TRIM44: variants seen among roughly 807,000 people sequenced by gnomAD.
The protein encoded by TRIM44 is tripartite motif containing 44.
A neutral mutation model predicts 37.4 loss-of-function variants in TRIM44; 13 were observed. The observed-to-expected ratio is 0.35, with a 90% CI of 0.23 to 0.55. The LOEUF (loss-of-function observed/expected upper bound fraction) is 0.55, where lower values mean the gene tolerates loss of function less well. Among genes scored for constraint, TRIM44 ranks in the 20% least tolerant of loss-of-function variants. The probability of loss-of-function intolerance (pLI) is 0.89; values close to 1 mark genes in which losing one functional copy is unlikely to be tolerated. For missense variants in TRIM44, 426 were observed against 437.2 expected (o/e 0.97, Z 0.23); for synonymous variants, 175 against 157.2 (o/e 1.11, Z -0.85).
chr11:35,700,270 G>A lies in TRIM44; in HGVS notation c.747+14934G>A, dbSNP rs191711418. ...ATTTACTGATAAACCAGCAAATACT[G>A]CTTTAAATTTAGTCAAGGTGTTCAC... On this transcript the variant is annotated intron_variant, in intron 2 of 4. Coordinates refer to ENST00000299413, the MANE Select transcript of TRIM44 (RefSeq NM_017583.6). Among the ~76,000 whole-genome samples the A allele has an allele frequency of 1.9e-3, 282 of 152,212 alleles. 2 individuals carry two copies. Among genetic ancestry groups the A allele is most frequent in the African/African-American group, 6.5e-3 (271 of 41,534 alleles).
chr11:35,800,996 G>C (rs1004370612), intron 4 of TRIM44, among the ~76,000 whole-genome samples: 1 of 152,144 alleles, frequency 6.6e-6, no homozygotes, highest in East Asian at 1.9e-4. Flanking sequence ...ACTTTATTTT[G>C]TAAAGTTCAG....
chr11:35,702,517 C>T (rs1044657699), intron 2 of TRIM44, among the ~76,000 whole-genome samples: 12 of 152,266 alleles, frequency 7.9e-5, no homozygotes, highest in East Asian at 5.8e-4. Flanking sequence ...CTTTATTGAG[C>T]GCCAGCTGTG....
chr11:35,757,987 T>G (rs771590914), intron 4 of TRIM44, among the ~76,000 whole-genome samples: 23 of 152,132 alleles, frequency 1.5e-4, no homozygotes, highest in East Asian at 1.9e-4. Flanking sequence ...TGATTTGGGG[T>G]GGAGAGTTCT....
chr11:35,760,035 T>C (rs960545614), intron 4 of TRIM44, among the ~76,000 whole-genome samples: 7 of 152,236 alleles, frequency 4.6e-5, no homozygotes, highest in African/African-American at 1.7e-4. Flanking sequence ...AACAGGGACA[T>C]ATAAGTCTGC....
At chr11:35,742,352 A>G (rs1017452841) in intron 4 of TRIM44, among the ~76,000 whole-genome samples, 18 of 145,776 alleles carry the variant, frequency 1.2e-4, no homozygotes, top group African/African-American at 4.3e-4. Context: ...ATTTACATAT[A>G]TTATCTATAT....
chr11:35,809,538 G>GT lies in TRIM44; in HGVS notation c.*3155dup, dbSNP rs773105483. Reference sequence around the variant, plus strand: ...TGCTGACTTGAGCCCACCCCCAGGAGTTAGGAGAACATTTCCTTTTTCATG... The same window carrying GT: ...TGCTGACTTGAGCCCACCCCCAGGAGTTTAGGAGAACATTTCCTTTTTCATG... On this transcript the variant is annotated 3_prime_UTR_variant, in exon 5 of 5. Coordinates refer to ENST00000299413, the MANE Select transcript of TRIM44 (RefSeq NM_017583.6). 1 of 152,130 alleles carries GT rather than the reference G, an allele frequency of 6.6e-6. No individual in the cohort carries two copies. Among genetic ancestry groups the GT allele is most frequent in the Non-Finnish European group, 1.5e-5 (1 of 68,024 alleles). The allele number at this position is 152,130 out of a possible 1,614,324, so 9.4% of individuals were successfully genotyped here.
chr11:35,767,601 T>A (rs11033269), intron 4 of TRIM44, among the ~76,000 whole-genome samples: 4,400 of 152,152 alleles, frequency 0.029, 186 homozygotes, highest in East Asian at 0.14. Flanking sequence ...GGAAAAAAAG[T>A]TGTATATATA....
At chr11:35,685,214 G>A (rs1851560363) in intron 1 of TRIM44, 45 bp from the exon 2 acceptor site, 2 of 1,512,652 alleles carry the variant, frequency 1.3e-6, no homozygotes, top group Non-Finnish European at 1.8e-6. Flanking sequence ...GTTTGAGAGA[G>A]CAACAAAATG....
chr11:35,703,611 C>T (rs1851829875), intron 2 of TRIM44, among the ~76,000 whole-genome samples: 3 of 152,248 alleles, frequency 2.0e-5, no homozygotes, highest in South Asian at 2.1e-4. Context: ...CACAAAAATC[C>T]GCTGTTCTGC....
intron 1 of TRIM44, among the ~76,000 whole-genome samples, chr11:35,683,697 G>A (rs1260495518): frequency 6.6e-6 from 1 of 151,866 alleles, no homozygotes; most frequent in East Asian, 1.9e-4. Context: ...GAGTTGTTGA[G>A]ATAAGAAAAT....
chr11:35,689,018 G>A (rs925679066), intron 2 of TRIM44, among the ~76,000 whole-genome samples: 6 of 152,184 alleles, frequency 3.9e-5, no homozygotes, highest in African/African-American at 1.4e-4. Flanking sequence ...TATGAAACAA[G>A]TTGAGCAGAG....
chr11:35,727,753 G>T lies in TRIM44; in HGVS notation c.987+1590G>T, dbSNP rs186860771. On this transcript the variant is annotated intron_variant, in intron 3 of 4. Transcript: ENST00000299413. ...CAGTAGAAAATAGAGCCAGGGTTTA[G>T]ATTTAAGTCTGTGCTATTTCAGTGC... is the stretch of plus-strand genomic sequence containing the variant. 3.5e-3 allele frequency among the ~76,000 whole-genome samples: 536 copies of T among 152,280 alleles called. 1 individual carries two copies. The highest frequency in any genetic ancestry group is 0.01 in the Middle Eastern group (3 of 294).
intron 1 of TRIM44, among the ~76,000 whole-genome samples, chr11:35,681,952 CTTTTTTTTTTTTTTT>C (rs35760830): frequency 9.9e-6 from 1 of 101,366 alleles, no homozygotes; most frequent in African/African-American, 3.9e-5. Flanking sequence ...ATGTCCCATA[CTTTTTTTTTTTTTTT>C]TTTTTTTTTG....
At chr11:35,775,923 A>G (rs928964259) in intron 4 of TRIM44, among the ~76,000 whole-genome samples, 1 of 152,116 alleles carries the variant, frequency 6.6e-6, no homozygotes, top group African/African-American at 2.4e-5. Flanking sequence ...ATATTGGTCT[A>G]AAATTCTCTT....
chr11:35,664,673 G>C (rs1008547882), intron 1 of TRIM44, among the ~76,000 whole-genome samples: 2 of 152,144 alleles, frequency 1.3e-5, no homozygotes, highest in Non-Finnish European at 2.9e-5. Flanking sequence ...TCTGTATTAG[G>C]TTTTCCCTTT....
At chr11:35,731,748 A>G (rs938623374) in intron 3 of TRIM44, among the ~76,000 whole-genome samples, 6 of 152,204 alleles carry the variant, frequency 3.9e-5, no homozygotes, top group Admixed American at 6.5e-5. Flanking sequence ...GGTAAGGAGA[A>G]TACTGAGTTG....
At chr11:35,764,807 T>C (rs1852772518) in intron 4 of TRIM44, among the ~76,000 whole-genome samples, 1 of 152,156 alleles carries the variant, frequency 6.6e-6, no homozygotes, top group Non-Finnish European at 1.5e-5. Context: ...CAGCTTTATA[T>C]CCTGGCATTT....
At chr11:35,775,658 T>C (rs1852946728) in intron 4 of TRIM44, among the ~76,000 whole-genome samples, 2 of 152,218 alleles carry the variant, frequency 1.3e-5, no homozygotes, top group Admixed American at 1.3e-4. Context: ...GTACCTAGTT[T>C]ATGGAGAGTT....
At chr11:35,798,945 A>G (rs1373521016) in intron 4 of TRIM44, among the ~76,000 whole-genome samples, 1 of 152,162 alleles carries the variant, frequency 6.6e-6, no homozygotes, top group East Asian at 1.9e-4. Flanking sequence ...TTTCTTTTTT[A>G]TGGAACCAAT....
Sources: allele counts gnomAD v4.1 joint callset (sites outside exome capture counted in the v4.1 genomes callset), GRCh38; gene constraint gnomAD v4.1.1; transcripts MANE v1.5; gene names NCBI Gene and HGNC (gene_info 2026-07-23, HGNC 2026-07-21).